Variants in GRIP1 observed in about 807,000 individuals in gnomAD.
GRIP1 encodes the protein glutamate receptor interacting protein 1.
GRIP1 carries 45 observed loss-of-function variants against 129.9 expected under a neutral mutation model. The ratio of observed to expected loss-of-function variants is 0.35; its 90% CI spans 0.27 to 0.44. The LOEUF (loss-of-function observed/expected upper bound fraction) is 0.44, where lower values mean the gene tolerates loss of function less well. Among genes scored for constraint, GRIP1 ranks in the 20% least tolerant of loss-of-function variants. GRIP1 has a pLI of 1.00. For missense variants in GRIP1, 1,196 were observed against 1,396.8 expected (o/e 0.86, Z 2.29); for synonymous variants, 530 against 520.8 (o/e 1.02, Z -0.24).
At chr12:66,936,555 A>G (rs545061081) in intron 1 of GRIP1, among the ~76,000 whole-genome samples, 4 of 152,022 alleles carry the variant, frequency 2.6e-5, no homozygotes, top group Non-Finnish European at 4.4e-5. Flanking sequence ...ATAAAAATGT[A>G]GCCCTAAGCA....
At chr12:66,562,567 G>A (rs1393571629) in intron 2 of GRIP1, among the ~76,000 whole-genome samples, 1 of 152,068 alleles carries the variant, frequency 6.6e-6, no homozygotes, top group East Asian at 1.9e-4. Context: ...AGGTGAGACC[G>A]TAACATTTCC....
chr12:66,681,647 G>T (rs1291487099), upstream of GRIP1, among the ~76,000 whole-genome samples: 1 of 152,128 alleles, frequency 6.6e-6, no homozygotes, highest in Non-Finnish European at 1.5e-5. Context: ...CTCTGTGAGG[G>T]TCACCAAGTA....
At chr12:66,893,526 C>A (rs528990487) in intron 1 of GRIP1, among the ~76,000 whole-genome samples, 4 of 152,334 alleles carry the variant, frequency 2.6e-5, no homozygotes, top group East Asian at 1.9e-4. Flanking sequence ...GTGTGAGCCA[C>A]TGCACAAGGC....
At chr12:66,993,554 G>A (rs2042424490) in intron 1 of GRIP1, among the ~76,000 whole-genome samples, 1 of 151,990 alleles carries the variant, frequency 6.6e-6, no homozygotes, top group Non-Finnish European at 1.5e-5. Flanking sequence ...ACTTTAGGAG[G>A]CCGAGGTAGG....
chr12:66,967,249 A>G (rs1296427142), intron 1 of GRIP1, among the ~76,000 whole-genome samples: 2 of 152,188 alleles, frequency 1.3e-5, no homozygotes, highest in African/African-American at 4.8e-5. Context: ...ACATGTATAC[A>G]TTGTGTAACA....
intron 5 of GRIP1, 152 bp downstream of exon 5, chr12:66,529,679 C>T (rs2061379921): frequency 2.5e-5 from 16 of 634,158 alleles, no homozygotes; most frequent in Non-Finnish European, 3.9e-5. Flanking sequence ...AAATTGGGTT[C>T]AGTGTATACT....
chr12:66,476,520 C>T (rs1266739014), intron 7 of GRIP1, among the ~76,000 whole-genome samples: 1 of 151,696 alleles, frequency 6.6e-6, no homozygotes, highest in East Asian at 1.9e-4. Flanking sequence ...ATTTTATGCT[C>T]ACTTTATGAG....
At chr12:66,808,105 G>C (rs2039031861), upstream of GRIP1, among the ~76,000 whole-genome samples, 1 of 151,926 alleles carries the variant, frequency 6.6e-6, no homozygotes, top group African/African-American at 2.4e-5. Context: ...TCTTTGCGTA[G>C]AGAGAATGGC....
At position 66,884,341 on chromosome 12, in the gene GRIP1, TA is replaced by T. The variant is rs2040528507; in HGVS notation, c.58+184708del. ...AGAAATTGCCCTCTCCAGCCTCTAA[TA>T]ATTATGTAAAGCGTATCATCGAGGA... On this transcript the variant is annotated intron_variant, in intron 1 of 1. Coordinates refer to the GRIP1 transcript ENST00000643019. Among the ~76,000 whole-genome samples the T allele has an allele frequency of 2.0e-5, 3 of 152,132 alleles. No homozygotes were observed. The South Asian group carries it at 6.2e-4, about 32-fold the overall frequency.
At chr12:66,517,463 G>T (rs942836521) in intron 6 of GRIP1, among the ~76,000 whole-genome samples, 5 of 152,156 alleles carry the variant, frequency 3.3e-5, no homozygotes, top group Non-Finnish European at 1.5e-5. Context: ...GTTGAGAATG[G>T]TAAGAATCTC....
chr12:66,631,233 T>C (rs1466972020), intron 1 of GRIP1, among the ~76,000 whole-genome samples: 2 of 152,160 alleles, frequency 1.3e-5, no homozygotes, highest in Non-Finnish European at 2.9e-5. Context: ...CCATCGCGCC[T>C]GGCTAAAACT....
intron 1 of GRIP1, among the ~76,000 whole-genome samples, chr12:66,962,593 GA>G (rs2041937916): frequency 6.6e-6 from 1 of 152,162 alleles, no homozygotes; most frequent in South Asian, 2.1e-4. Flanking sequence ...GTCAATTAAA[GA>G]AGACGACAGA....
intron 1 of GRIP1, among the ~76,000 whole-genome samples, chr12:67,029,577 T>G (rs2042990637): frequency 9.6e-5 from 2 of 20,908 alleles, no homozygotes; most frequent in Non-Finnish European, 2.3e-4. Context: ...AGACCCTGAC[T>G]CAAAAAAAAA....
intron 1 of GRIP1, among the ~76,000 whole-genome samples, chr12:66,958,485 T>A (rs1034073171): frequency 3.9e-5 from 6 of 152,198 alleles, no homozygotes; most frequent in African/African-American, 1.2e-4. Flanking sequence ...ATGCTCCTCA[T>A]CCTGTTTCCT....
intron 1 of GRIP1, among the ~76,000 whole-genome samples, chr12:66,620,926 C>G (rs546980777): frequency 2.0e-5 from 3 of 152,202 alleles, no homozygotes; most frequent in Non-Finnish European, 4.4e-5. Context: ...TTTTCCTGCC[C>G]AAACTTCCCT....
intron 1 of GRIP1, among the ~76,000 whole-genome samples, chr12:66,960,274 G>T (rs1358421786): frequency 6.6e-6 from 1 of 152,148 alleles, no homozygotes; most frequent in Non-Finnish European, 1.5e-5. Flanking sequence ...GGCATTAGAT[G>T]ATGATGGTTT....
At chr12:67,021,359 G>A (rs2042864127) in intron 1 of GRIP1, among the ~76,000 whole-genome samples, 5 of 152,130 alleles carry the variant, frequency 3.3e-5, no homozygotes, top group Admixed American at 2.6e-4. Flanking sequence ...AGGCAAATGA[G>A]ATCATGCAGT....
chr12:66,616,944 T>C (rs2065062632), intron 1 of GRIP1, among the ~76,000 whole-genome samples: 2 of 152,026 alleles, frequency 1.3e-5, no homozygotes, highest in African/African-American at 4.8e-5. Context: ...ACCCATCTAC[T>C]AGAATAAATC....
intron 1 of GRIP1, among the ~76,000 whole-genome samples, chr12:66,704,748 C>T (rs796161444): frequency 2.0e-5 from 3 of 152,178 alleles, no homozygotes; most frequent in African/African-American, 7.2e-5. Flanking sequence ...TAAAGAAACA[C>T]AGCCAAGATT....
Sources: gnomAD v4.1 joint callset for allele counts (sites outside exome capture counted in the v4.1 genomes callset) on GRCh38, gnomAD v4.1.1 for gene constraint, MANE v1.5 for transcripts, NCBI Gene and HGNC (gene_info 2026-07-23, HGNC 2026-07-21) for gene names.